Variants in UBE3C observed in about 807,000 individuals in gnomAD.
The protein encoded by UBE3C is ubiquitin-protein ligase E3C.
In UBE3C, 42 loss-of-function variants were observed where a neutral mutation model predicts 129.4. That is an observed-to-expected ratio of 0.32 (90% CI 0.25 to 0.42). The LOEUF (loss-of-function observed/expected upper bound fraction) is 0.42. Ranked by LOEUF, UBE3C falls within the 10% of genes least tolerant of loss-of-function variation. UBE3C has a pLI of 1.00. For missense variants in UBE3C, 1,049 were observed against 1,319.1 expected, an observed-to-expected ratio of 0.80 and a Z score of 3.17; for synonymous variants, 510 against 492.4, an observed-to-expected ratio of 1.04 and a Z score of -0.47.
intron 18 of UBE3C, among the ~76,000 whole-genome samples, chr7:157,237,490 TTC>T (rs1328758714): frequency 6.6e-6 from 1 of 152,196 alleles, no homozygotes; most frequent in Non-Finnish European, 1.5e-5. Flanking sequence ...ACAAGGTAAA[TTC>T]TTTCTGCCCT....
chr7:157,169,850 G>A (rs1808317961), intron 3 of UBE3C, among the ~76,000 whole-genome samples: 1 of 151,894 alleles, frequency 6.6e-6, no homozygotes, highest in Non-Finnish European at 1.5e-5. Context: ...CTGGCTAAAT[G>A]TTTTTGTATT....
chr7:157,267,213 G>A (rs528653573), intron 22 of UBE3C, among the ~76,000 whole-genome samples: 76 of 152,116 alleles, frequency 5.0e-4, no homozygotes, highest in Non-Finnish European at 9.4e-4. Context: ...CACAAAGTCA[G>A]GAGTTCAAGA....
chr7:157,184,130 C>T, intron 9 of UBE3C, 101 bp downstream of exon 9: 2 of 1,459,408 alleles, frequency 1.4e-6, no homozygotes, highest in South Asian at 2.7e-5. Flanking sequence ...CAAGTCAGAC[C>T]CTCAAGCAGC....
At chr7:157,151,510 G>A (rs1217809060) in intron 1 of UBE3C, among the ~76,000 whole-genome samples, 1 of 152,104 alleles carries the variant, frequency 6.6e-6, no homozygotes, top group African/African-American at 2.4e-5. Flanking sequence ...TTTTCTAGAT[G>A]TGCCCTCCTG....
At chr7:157,255,387 AC>A (rs1796726150) in intron 21 of UBE3C, among the ~76,000 whole-genome samples, 2 of 152,244 alleles carry the variant, frequency 1.3e-5, no homozygotes, top group African/African-American at 4.8e-5. Context: ...CTCTAAACTT[AC>A]AAAAAATCAT....
intron 10 of UBE3C, chr7:157,192,975 G>A (rs538693398): frequency 1.0e-5 from 6 of 588,872 alleles, no homozygotes; most frequent in Non-Finnish European, 1.2e-5. Flanking sequence ...TTTTGAATCT[G>A]TAAATCTTTT....
At chr7:157,148,994 T>C (rs547849074) in intron 1 of UBE3C, among the ~76,000 whole-genome samples, 5 of 152,234 alleles carry the variant, frequency 3.3e-5, no homozygotes, top group Admixed American at 2.6e-4. Flanking sequence ...AATACAGTTA[T>C]GCTGTATCCT....
intron 1 of UBE3C, among the ~76,000 whole-genome samples, chr7:157,149,059 C>CT (rs536682907): frequency 6.6e-6 from 1 of 151,066 alleles, no homozygotes; most frequent in African/African-American, 2.4e-5. Context: ...GTTAAGAATT[C>CT]TTTTTTTGTT....
rs1028493813 is a variant in UBE3C, at chr7:157,187,096, T to G, written c.1331+75T>G. The G allele has an allele frequency of 6.1e-6, 9 of 1,468,318 alleles. No individual in the cohort carries two copies. The South Asian group carries it at 1.2e-4, about 20-fold the overall frequency. The allele number at this position is 1,468,318 out of a possible 1,614,324, so 91.0% of individuals were successfully genotyped here. ...CCTTCCTCCCTGGGAATTGCTCTCC[T>G]CTTAAGTTTTGTCTGCTCTTTTCTG... On this transcript the variant is annotated intron_variant, in intron 10 of 22. Transcript: ENST00000348165.
intron 1 of UBE3C, among the ~76,000 whole-genome samples, chr7:157,146,456 C>T (rs967779410): frequency 1.8e-4 from 27 of 151,600 alleles, no homozygotes; most frequent in Non-Finnish European, 3.4e-4. Context: ...CTCCTGACCT[C>T]GTGATCTGCC....
At chr7:157,169,191 T>G (rs1165018562) in intron 3 of UBE3C, 69 bp downstream of exon 3, 1 of 1,202,642 alleles carries the variant, frequency 8.3e-7, no homozygotes, top group Non-Finnish European at 1.2e-6. Flanking sequence ...GGTATCTTTG[T>G]ACACCTTGTT....
chr7:157,164,936 G>A (rs1303177097), intron 2 of UBE3C, among the ~76,000 whole-genome samples: 1 of 152,124 alleles, frequency 6.6e-6, no homozygotes, highest in Non-Finnish European at 1.5e-5. Context: ...GTTTAGGCAG[G>A]ATTTTCCAAC....
chr7:157,150,577 A>G (rs1217600659), intron 1 of UBE3C, among the ~76,000 whole-genome samples: 1 of 152,230 alleles, frequency 6.6e-6, no homozygotes, highest in Non-Finnish European at 1.5e-5. Context: ...CATTTGTTAA[A>G]TAACCGTTAA....
At chr7:157,246,959 C>T (rs1366882367) in intron 18 of UBE3C, among the ~76,000 whole-genome samples, 2 of 152,216 alleles carry the variant, frequency 1.3e-5, no homozygotes, top group Non-Finnish European at 2.9e-5. Flanking sequence ...GGCACAATCT[C>T]GGCTCACTGC....
chr7:157,169,151 G>A, intron 3 of UBE3C, 29 bp downstream of exon 3: 1 of 1,574,640 alleles, frequency 6.4e-7, no homozygotes, highest in Non-Finnish European at 8.7e-7. Context: ...GAGGAGATTA[G>A]TAGGGCATGG....
intron 18 of UBE3C, among the ~76,000 whole-genome samples, chr7:157,233,885 A>T (rs1796086346): frequency 6.6e-6 from 1 of 152,208 alleles, no homozygotes; most frequent in Non-Finnish European, 1.5e-5. Flanking sequence ...TTTTCATTAC[A>T]GCCATTCTAG....
intron 13 of UBE3C, among the ~76,000 whole-genome samples, chr7:157,211,561 C>T (rs1213975910): frequency 1.3e-5 from 2 of 152,044 alleles, no homozygotes; most frequent in Non-Finnish European, 1.5e-5. Flanking sequence ...CAGGCCTTGG[C>T]AATGACCTTG....
At chr7:157,202,378 C>G (rs189438368) in intron 11 of UBE3C, among the ~76,000 whole-genome samples, 1 of 152,120 alleles carries the variant, frequency 6.6e-6, no homozygotes, top group African/African-American at 2.4e-5. Context: ...CTAAGCCGGC[C>G]GGGCGCGGTG....
chr7:157,247,349 A>G (rs1461137758), intron 18 of UBE3C, among the ~76,000 whole-genome samples: 1 of 152,220 alleles, frequency 6.6e-6, no homozygotes, highest in Non-Finnish European at 1.5e-5. Flanking sequence ...GGCACCTAGT[A>G]CCTAGTAAGT....
Sources: allele counts gnomAD v4.1 joint callset (sites outside exome capture counted in the v4.1 genomes callset), GRCh38; gene constraint gnomAD v4.1.1; transcripts MANE v1.5; gene names NCBI Gene and HGNC (gene_info 2026-07-23, HGNC 2026-07-21).